ELOVL7: variants seen among roughly 807,000 people sequenced by gnomAD.
ELOVL7 encodes very long chain fatty acid elongase 7.
A neutral mutation model predicts 35.7 loss-of-function variants in ELOVL7; 27 were observed. The observed-to-expected ratio is 0.76, with a 90% CI of 0.56 to 1.04. The LOEUF (loss-of-function observed/expected upper bound fraction) is 1.04. ELOVL7 is among the 50% of genes least tolerant of loss of function. ELOVL7 has a pLI of 0.00. For missense variants in ELOVL7, 327 were observed against 340.8 expected (o/e 0.96, Z 0.32); for synonymous variants, 113 against 114.6 (o/e 0.99, Z 0.09).
chr5:60,834,335 C>T lies in ELOVL7; in HGVS notation c.-86+9825G>A, dbSNP rs900968140. The stretch of plus-strand genomic sequence containing the variant: ...TTTGTTTTCGTATTTTTAGTAGAGA[C>T]GGGGTTTCACCGTGTTAGCCAGGAT... On this transcript the variant is annotated intron_variant, in intron 1 of 8. Transcript: ENST00000508821. 1.5e-4 allele frequency among the ~76,000 whole-genome samples: 23 copies of T among 152,170 alleles called. No individual in the cohort carries two copies. The East Asian group carries it at 2.9e-3, about 19-fold the overall frequency.
At chr5:60,817,167 G>A (rs1420604001) in intron 1 of ELOVL7, among the ~76,000 whole-genome samples, 1 of 149,116 alleles carries the variant, frequency 6.7e-6, no homozygotes, top group Non-Finnish European at 1.5e-5. Flanking sequence ...AAATGAAACT[G>A]AAAGGAAAAC....
chr5:60,809,523 T>A (rs1381207133), intron 1 of ELOVL7, among the ~76,000 whole-genome samples: 1 of 152,230 alleles, frequency 6.6e-6, no homozygotes, highest in Admixed American at 6.5e-5. Flanking sequence ...CTCAACTGAC[T>A]TCTGGGATCA....
chr5:60,769,689 A>G (rs987583789), intron 4 of ELOVL7, among the ~76,000 whole-genome samples: 1 of 152,236 alleles, frequency 6.6e-6, no homozygotes, highest in African/African-American at 2.4e-5. Flanking sequence ...AATAGAGTAG[A>G]AAGTTTAAGA....
At chr5:60,833,679 G>C (rs1447431709) in intron 1 of ELOVL7, among the ~76,000 whole-genome samples, 1 of 152,166 alleles carries the variant, frequency 6.6e-6, no homozygotes, top group Non-Finnish European at 1.5e-5. Flanking sequence ...AACTAGATTA[G>C]TGATTCCCAG....
intron 2 of ELOVL7, among the ~76,000 whole-genome samples, chr5:60,794,983 A>G (rs536301382): frequency 6.6e-6 from 1 of 152,362 alleles, no homozygotes; most frequent in Non-Finnish European, 1.5e-5. Flanking sequence ...ACCCTTGTAC[A>G]GAGTAAGGGA....
chr5:60,833,278 G>A (rs555334524), intron 1 of ELOVL7, among the ~76,000 whole-genome samples: 45 of 152,308 alleles, frequency 3.0e-4, no homozygotes, highest in African/African-American at 1.1e-3. Flanking sequence ...GTCCTCAACA[G>A]TATAAGAGGT....
chr5:60,773,556 C>CA (rs1561431939), intron 3 of ELOVL7, among the ~76,000 whole-genome samples: 5 of 151,646 alleles, frequency 3.3e-5, no homozygotes, highest in Admixed American at 3.3e-4. Context: ...AGGCCCCTCT[C>CA]AAAAAAAATA....
Position 60,752,720 on chromosome 5 carries a change from AGGTG to A in ELOVL7, c.*1900_*1903del, listed in dbSNP as rs1741336172. 6.6e-6 allele frequency: 1 copy of A among 152,168 alleles called. No homozygotes were observed. Among genetic ancestry groups the A allele is most frequent in the Non-Finnish European group, 1.5e-5 (1 of 68,046 alleles). The allele number at this position is 152,168 out of a possible 1,614,324, so 9.4% of individuals were successfully genotyped here. A position where few individuals can be genotyped will look rare whatever the true frequency, so the allele number is the denominator to read the frequency against. On this transcript the variant is annotated 3_prime_UTR_variant, in exon 9 of 9. Coordinates refer to ENST00000508821, the MANE Select transcript of ELOVL7 (RefSeq NM_024930.3). Reference sequence around the variant, plus strand: ...GTAATCCCAGAACTTTGGGAGGCCGAGGTGGGAGGATCACCTGAGGTCAGGAGCT... The same window carrying A: ...GTAATCCCAGAACTTTGGGAGGCCGAGGAGGATCACCTGAGGTCAGGAGCT...
intron 3 of ELOVL7, among the ~76,000 whole-genome samples, chr5:60,780,706 T>G (rs1743196485): frequency 2.0e-5 from 3 of 152,024 alleles, no homozygotes; most frequent in African/African-American, 4.8e-5. Context: ...AGAGAATGAG[T>G]GCCAGCAGGG....
At chr5:60,813,713 C>T (rs1388055322) in intron 1 of ELOVL7, among the ~76,000 whole-genome samples, 1 of 151,966 alleles carries the variant, frequency 6.6e-6, no homozygotes, top group Admixed American at 6.6e-5. Context: ...AGACCACTAG[C>T]CTGGTTGTAG....
chr5:60,764,398 A>C (rs1742110084), intron 6 of ELOVL7, 66 bp from the exon 7 acceptor site: 1 of 1,234,518 alleles, frequency 8.1e-7, no homozygotes. Context: ...GTATTATAAA[A>C]AATATTGGCA....
intron 3 of ELOVL7, among the ~76,000 whole-genome samples, chr5:60,781,268 T>C (rs769377984): frequency 1.5e-4 from 23 of 151,734 alleles, no homozygotes; most frequent in Non-Finnish European, 2.4e-4. Flanking sequence ...TCTGGAAGGA[T>C]GTTACATCAC....
At chr5:60,793,122 T>C (rs1245982467) in intron 2 of ELOVL7, among the ~76,000 whole-genome samples, 3 of 152,142 alleles carry the variant, frequency 2.0e-5, no homozygotes, top group Non-Finnish European at 4.4e-5. Context: ...CCCTTCAAGA[T>C]GGGTCACAGG....
intron 7 of ELOVL7, among the ~76,000 whole-genome samples, chr5:60,760,552 TGGGTA>T (rs1253447439): frequency 6.6e-6 from 1 of 152,214 alleles, no homozygotes; most frequent in Admixed American, 6.5e-5. Context: ...CTTTGTCAGA[TGGGTA>T]GGTTGTGAAT....
intron 3 of ELOVL7, among the ~76,000 whole-genome samples, chr5:60,782,383 C>T (rs1364090382): frequency 1.3e-5 from 2 of 152,150 alleles, no homozygotes; most frequent in African/African-American, 2.4e-5. Flanking sequence ...TATGATCCTG[C>T]AATCTCACTT....
chr5:60,809,847 G>A (rs566137360), intron 1 of ELOVL7, among the ~76,000 whole-genome samples: 1 of 152,200 alleles, frequency 6.6e-6, no homozygotes, highest in South Asian at 2.1e-4. Flanking sequence ...GGAACAACAG[G>A]GTTGATTCTG....
At chr5:60,756,400 A>G (rs1741542140) in intron 8 of ELOVL7, among the ~76,000 whole-genome samples, 2 of 152,292 alleles carry the variant, frequency 1.3e-5, no homozygotes, top group South Asian at 4.1e-4. Context: ...TCTTTGCTTA[A>G]TTAGGTGTTC....
At chr5:60,786,509 A>C (rs1333934604) in intron 3 of ELOVL7, among the ~76,000 whole-genome samples, 2 of 152,196 alleles carry the variant, frequency 1.3e-5, no homozygotes, top group East Asian at 3.8e-4. Context: ...GTCTTCTGAA[A>C]CATTGACTTT....
intron 1 of ELOVL7, among the ~76,000 whole-genome samples, chr5:60,800,088 GA>G (rs1301849303): frequency 9.8e-5 from 13 of 133,206 alleles, no homozygotes; most frequent in Non-Finnish European, 8.1e-5. Context: ...CAAACTCTTC[GA>G]AAAAAAAATG....
Sources: gnomAD v4.1 joint callset for allele counts (sites outside exome capture counted in the v4.1 genomes callset) on GRCh38, gnomAD v4.1.1 for gene constraint, MANE v1.5 for transcripts, NCBI Gene and HGNC (gene_info 2026-07-23, HGNC 2026-07-21) for gene names.